The following ANKFN1 variants were observed in gnomAD, a reference collection of about 807,000 sequenced individuals.
ANKFN1 encodes ankyrin repeat and fibronectin type III domain containing 1.
In ANKFN1, 74 loss-of-function variants were observed where a neutral mutation model predicts 108.7. That is an observed-to-expected ratio of 0.68 (90% CI 0.56 to 0.83). The LOEUF is 0.83. ANKFN1 is among the 40% of genes least tolerant of loss of function. The pLI is 0.00. For missense variants in ANKFN1, 1,505 were observed against 1,382.3 expected, an observed-to-expected ratio of 1.09 and a Z score of -1.41; for synonymous variants, 547 against 516.2, an observed-to-expected ratio of 1.06 and a Z score of -0.81.
At chr17:56,260,569 G>C (rs569185205) in intron 3 of ANKFN1, among the ~76,000 whole-genome samples, 27 of 152,208 alleles carry the variant, frequency 1.8e-4, no homozygotes, top group African/African-American at 6.5e-4. Flanking sequence ...TGAGTTAAGT[G>C]CAAATGAATC....
intron 20 of ANKFN1, among the ~76,000 whole-genome samples, chr17:56,500,808 A>G (rs2051344872): frequency 6.6e-6 from 1 of 152,236 alleles, no homozygotes; most frequent in East Asian, 1.9e-4. Flanking sequence ...TCTATGTGCC[A>G]GGCTCTCTTC....
chr17:56,422,811 C>G (rs2048453130), intron 8 of ANKFN1, among the ~76,000 whole-genome samples: 1 of 152,214 alleles, frequency 6.6e-6, no homozygotes, highest in Non-Finnish European at 1.5e-5. Context: ...ATGGAGGAAT[C>G]TGTTTCATAA....
intron 3 of ANKFN1, among the ~76,000 whole-genome samples, chr17:56,308,300 A>T (rs894295296): frequency 2.6e-5 from 4 of 152,056 alleles, no homozygotes; most frequent in Non-Finnish European, 4.4e-5. Context: ...AAAGATTTTA[A>T]TTTTTTTGAG....
At chr17:56,374,765 C>T (rs746189856) in intron 8 of ANKFN1, 51 bp downstream of exon 8, 17 of 1,406,254 alleles carry the variant, frequency 1.2e-5, no homozygotes, top group Non-Finnish European at 1.6e-5. Flanking sequence ...AAAGCATCTG[C>T]TGTTTGAGAA....
In ANKFN1 at chr17:56,100,860, G is replaced by A. The variant is rs143230601; in HGVS notation, c.288+54535G>A. On this transcript the variant is annotated intron_variant, in intron 4 of 12. Transcript: ENST00000635860. ...CACCTGTAGTTTGGATCCTATCTAG[G>A]TTTTCCTGGATTAAGAACACAGAAC... 3.7e-4 allele frequency among the ~76,000 whole-genome samples: 57 copies of A among 152,260 alleles called. 1 individual carries two copies. The East Asian group carries it at 9.8e-3, about 26-fold the overall frequency.
intron 4 of ANKFN1, among the ~76,000 whole-genome samples, chr17:56,134,391 G>A (rs577775492): frequency 1.1e-4 from 17 of 152,066 alleles, no homozygotes; most frequent in Non-Finnish European, 1.5e-4. Flanking sequence ...TCCCCTCTCC[G>A]GAGAATGGGG....
chr17:56,301,694 T>C (rs964850962), intron 3 of ANKFN1, among the ~76,000 whole-genome samples: 1 of 152,206 alleles, frequency 6.6e-6, no homozygotes, highest in Non-Finnish European at 1.5e-5. Flanking sequence ...AATTAGCTTA[T>C]AATAGAGATA....
rs183304226 is a variant in ANKFN1, at chr17:56,299,716, G to A, written c.54-26505G>A. Among the ~76,000 whole-genome samples, 31 of 152,252 alleles carry A rather than the reference G, an allele frequency of 2.0e-4. No individual in the cohort carries two copies. In the East Asian group the frequency reaches 5.8e-3, roughly 28 times the overall value. ...GTTGTAGCAGAGACCCCTGAGAGTT[G>A]CAGTGAGCATTAAATGAGATACTAC... On this transcript the variant is annotated intron_variant, in intron 3 of 20. Transcript: ENST00000682825.
chr17:56,462,393 G>A (rs1347461378), intron 14 of ANKFN1, among the ~76,000 whole-genome samples: 1 of 152,118 alleles, frequency 6.6e-6, no homozygotes, highest in South Asian at 2.1e-4. Flanking sequence ...TCGGGAGTTC[G>A]AGACCAGCCT....
intron 6 of ANKFN1, among the ~76,000 whole-genome samples, chr17:56,369,023 A>G (rs1421727618): frequency 6.6e-6 from 1 of 152,236 alleles, no homozygotes; most frequent in African/African-American, 2.4e-5. Flanking sequence ...TATTCGGGTT[A>G]GGGGAATGGA....
chr17:56,393,474 T>C (rs1243296324), intron 8 of ANKFN1, among the ~76,000 whole-genome samples: 1 of 152,206 alleles, frequency 6.6e-6, no homozygotes, highest in Non-Finnish European at 1.5e-5. Context: ...TTTGCATGCC[T>C]GTCTCTATGG....
At chr17:56,189,677 C>CCAAAGTT (rs1258416826) in intron 1 of ANKFN1, among the ~76,000 whole-genome samples, 2 of 152,156 alleles carry the variant, frequency 1.3e-5, no homozygotes. Flanking sequence ...TCCAAAAACA[C>CCAAAGTT]TATCTGCAAA....
intron 8 of ANKFN1, among the ~76,000 whole-genome samples, chr17:56,418,966 A>C (rs1465554512): frequency 1.3e-5 from 2 of 152,156 alleles, no homozygotes; most frequent in African/African-American, 4.8e-5. Context: ...GCTTGGTTCA[A>C]CTCCGATCTC....
chr17:56,273,467 G>A (rs749944081), intron 3 of ANKFN1, among the ~76,000 whole-genome samples: 2 of 152,034 alleles, frequency 1.3e-5, no homozygotes, highest in Non-Finnish European at 2.9e-5. Context: ...GAATTTCTAA[G>A]TTAAAAACAA....
intron 8 of ANKFN1, among the ~76,000 whole-genome samples, chr17:56,398,269 A>G (rs2047646336): frequency 6.6e-6 from 1 of 152,200 alleles, no homozygotes; most frequent in East Asian, 1.9e-4. Flanking sequence ...TGAATGAGTT[A>G]ATACCTCTCA....
At chr17:56,132,256 T>G (rs1481027948) in intron 4 of ANKFN1, among the ~76,000 whole-genome samples, 1 of 152,166 alleles carries the variant, frequency 6.6e-6, no homozygotes, top group Non-Finnish European at 1.5e-5. Flanking sequence ...GCATTTACTC[T>G]CCCCATTTGA....
intron 4 of ANKFN1, among the ~76,000 whole-genome samples, chr17:56,084,582 G>T (rs1905285479): frequency 6.6e-6 from 1 of 151,260 alleles, no homozygotes. Context: ...TTTTCCACCG[G>T]GTAAGGGCCT....
upstream of ANKFN1, among the ~76,000 whole-genome samples, chr17:56,151,044 G>T (rs1598144943): frequency 6.6e-6 from 1 of 152,160 alleles, no homozygotes; most frequent in Non-Finnish European, 1.5e-5. Context: ...CTGACATGGG[G>T]AGCCCACTAG....
chr17:56,505,350 C>A (rs2051519207), intron 20 of ANKFN1, among the ~76,000 whole-genome samples: 1 of 152,196 alleles, frequency 6.6e-6, no homozygotes, highest in African/African-American at 2.4e-5. Flanking sequence ...ACATGCTTTA[C>A]TGAGAGCCTT....
Sources: gnomAD v4.1 joint callset for allele counts (sites outside exome capture counted in the v4.1 genomes callset) on GRCh38, gnomAD v4.1.1 for gene constraint, MANE v1.5 for transcripts, NCBI Gene and HGNC (gene_info 2026-07-23, HGNC 2026-07-21) for gene names.